The following ITSN1 variants were observed in gnomAD, a reference collection of about 807,000 sequenced individuals.
ITSN1 encodes the protein intersectin-1.
A neutral mutation model predicts 239.8 loss-of-function variants in ITSN1; 58 were observed. The ratio of observed to expected loss-of-function variants is 0.24; its 90% CI spans 0.20 to 0.30. The LOEUF is 0.30. Among genes scored for constraint, ITSN1 ranks in the 10% least tolerant of loss-of-function variants. ITSN1 has a pLI of 1.00. For missense variants in ITSN1, 1,558 were observed against 2,103.3 expected, an observed-to-expected ratio of 0.74 and a Z score of 5.07; for synonymous variants, 780 against 770.8, an observed-to-expected ratio of 1.01 and a Z score of -0.20.
chr21:33,877,898 T>G (rs534947560), intron 34 of ITSN1, among the ~76,000 whole-genome samples: 1 of 150,898 alleles, frequency 6.6e-6, no homozygotes, highest in South Asian at 2.1e-4. Context: ...ATTTTTGCAT[T>G]TTTCTGTTTT....
chr21:33,657,226 G>T (rs2089169593), intron 1 of ITSN1, among the ~76,000 whole-genome samples: 1 of 152,172 alleles, frequency 6.6e-6, no homozygotes, highest in Non-Finnish European at 1.5e-5. Context: ...GTGTCAGTGT[G>T]TACCCAGTGT....
In ITSN1 at chr21:33,655,485, A is replaced by T. The variant is rs149662217; in HGVS notation, c.-33+12772A>T. On this transcript the variant is annotated intron_variant, in intron 1 of 39. Coordinates refer to ENST00000381318, the MANE Select transcript of ITSN1 (RefSeq NM_003024.3). The stretch of plus-strand genomic sequence containing the variant: ...CCAGGCTGGAGTGTGCAGCGGTGCA[A>T]TCTTGGCTCACTGCAATCTCTACCT... Among the ~76,000 whole-genome samples, 430 of 151,896 alleles carry T rather than the reference A, an allele frequency of 2.8e-3. 1 individual carries two copies. The highest frequency in any genetic ancestry group is 4.3e-3 in the Non-Finnish European group (292 of 67,956).
intron 6 of ITSN1, among the ~76,000 whole-genome samples, chr21:33,751,229 A>G (rs1030061639): frequency 6.6e-6 from 1 of 152,194 alleles, no homozygotes; most frequent in Admixed American, 6.5e-5. Context: ...AAATCCACAC[A>G]CTCTGAGTCT....
chr21:33,738,131 C>G (rs1309932071), intron 5 of ITSN1, among the ~76,000 whole-genome samples: 1 of 151,696 alleles, frequency 6.6e-6, no homozygotes, highest in Non-Finnish European at 1.5e-5. Context: ...TGCAGTGAGC[C>G]AAGGGAGATC....
chr21:33,668,098 T>C (rs1246661734), intron 1 of ITSN1, among the ~76,000 whole-genome samples: 1 of 152,216 alleles, frequency 6.6e-6, no homozygotes, highest in African/African-American at 2.4e-5. Context: ...CCTCTTCCCC[T>C]TCTGGAGTCC....
chr21:33,751,704 A>T, intron 6 of ITSN1, 106 bp from the exon 7 acceptor site: 2 of 816,492 alleles, frequency 2.4e-6, no homozygotes, highest in South Asian at 3.2e-5. Flanking sequence ...AAGAAGGGGG[A>T]ATTATTTCTG....
intron 1 of ITSN1, among the ~76,000 whole-genome samples, chr21:33,687,395 T>C (rs190048292): frequency 0.011 from 638 of 56,508 alleles, 8 homozygotes; most frequent in African/African-American, 0.049. Flanking sequence ...CAGAACTCCA[T>C]CTTAAAAAAA....
intron 15 of ITSN1, 59 bp downstream of exon 15, chr21:33,781,607 GTC>G: frequency 2.1e-6 from 2 of 948,570 alleles, no homozygotes; most frequent in Non-Finnish European, 3.2e-6. Flanking sequence ...TTGACATGGA[GTC>G]TCACTCTGTC....
intron 1 of ITSN1, among the ~76,000 whole-genome samples, chr21:33,686,692 C>G (rs750340362): frequency 6.6e-6 from 1 of 152,148 alleles, no homozygotes; most frequent in Non-Finnish European, 1.5e-5. Flanking sequence ...TTTTATATAT[C>G]ACATTTCAAG....
rs1483401319 is a variant in ITSN1, at chr21:33,897,907, C to T, written c.*9607C>T. Reference sequence around the variant, plus strand: ...TGTATATGTTAGAAATCAAATGAGTCATTTTTTTTCCTGCAGGAAATATGA... The same window carrying T: ...TGTATATGTTAGAAATCAAATGAGTTATTTTTTTTCCTGCAGGAAATATGA... On this transcript the variant is annotated 3_prime_UTR_variant, in exon 40 of 40. Coordinates refer to ENST00000381318, the MANE Select transcript of ITSN1 (RefSeq NM_003024.3). The T allele has an allele frequency of 1.3e-5, 2 of 149,466 alleles. No individual in the cohort carries two copies. Among genetic ancestry groups the T allele is most frequent in the African/African-American group, 5.0e-5 (2 of 40,138 alleles). 9.3% of individuals were successfully genotyped at this position (149,466 alleles called of 1,614,324 possible).
chr21:33,668,151 T>C (rs766048778), intron 1 of ITSN1, among the ~76,000 whole-genome samples: 1 of 152,238 alleles, frequency 6.6e-6, no homozygotes, highest in Non-Finnish European at 1.5e-5. Flanking sequence ...CCAACCTCTT[T>C]ACTTGAGTCT....
At chr21:33,789,019 G>A (rs1208161546) in intron 16 of ITSN1, among the ~76,000 whole-genome samples, 1 of 151,990 alleles carries the variant, frequency 6.6e-6, no homozygotes, top group Non-Finnish European at 1.5e-5. Context: ...ACCTTGATTT[G>A]GGTATAGTTT....
chr21:33,658,824 T>C (rs1280675445), intron 1 of ITSN1, among the ~76,000 whole-genome samples: 2 of 152,232 alleles, frequency 1.3e-5, no homozygotes, highest in Admixed American at 6.5e-5. Context: ...GTCTGTGGTA[T>C]AATTTTATAT....
chr21:33,679,923 C>T (rs988579298), intron 1 of ITSN1, among the ~76,000 whole-genome samples: 30 of 152,262 alleles, frequency 2.0e-4, no homozygotes, highest in African/African-American at 6.5e-4. Context: ...TGGTCTTGAT[C>T]TCCTGACCTC....
chr21:33,766,456 C>T (rs2068725882), intron 10 of ITSN1, among the ~76,000 whole-genome samples: 1 of 152,186 alleles, frequency 6.6e-6, no homozygotes, highest in African/African-American at 2.4e-5. Context: ...AAGACAGTCT[C>T]AGTAAAGATG....
chr21:33,702,100 T>TCC (rs377433418), intron 1 of ITSN1, among the ~76,000 whole-genome samples: 1 of 138 alleles, frequency 7.2e-3, no homozygotes. Context: ...AAAATTTTTT[T>TCC]TTTTTTTTTT....
intron 29 of ITSN1, among the ~76,000 whole-genome samples, chr21:33,839,519 C>G (rs891018371): frequency 5.9e-5 from 9 of 152,166 alleles, no homozygotes; most frequent in African/African-American, 2.2e-4. Context: ...AGATCCTTCT[C>G]ACTGTCCCCC....
At chr21:33,849,474 G>A (rs890306041) in intron 29 of ITSN1, among the ~76,000 whole-genome samples, 2 of 150,452 alleles carry the variant, frequency 1.3e-5, no homozygotes, top group Non-Finnish European at 2.9e-5. Flanking sequence ...GCTGAGGCAC[G>A]AGAATTGCTT....
At chr21:33,718,726 C>T (rs2065312697) in intron 1 of ITSN1, 71 bp from the exon 2 acceptor site, 2 of 936,730 alleles carry the variant, frequency 2.1e-6, no homozygotes, top group Non-Finnish European at 3.5e-6. Flanking sequence ...TTAAAGATAG[C>T]ATGTTGGTGT....
Sources: allele counts gnomAD v4.1 joint callset (sites outside exome capture counted in the v4.1 genomes callset), GRCh38; gene constraint gnomAD v4.1.1; transcripts MANE v1.5; gene names NCBI Gene and HGNC (gene_info 2026-07-23, HGNC 2026-07-21).